FBXL13: variants seen among roughly 807,000 people sequenced by gnomAD.
The protein encoded by FBXL13 is F-box and leucine rich repeat protein 13.
A neutral mutation model predicts 83.6 loss-of-function variants in FBXL13; 67 were observed. That is an observed-to-expected ratio of 0.80 (90% CI 0.66 to 0.98). The LOEUF is 0.98. Among genes scored for constraint, FBXL13 ranks in the 50% least tolerant of loss-of-function variants. The pLI is 0.00. For synonymous variants in FBXL13, 272 were observed against 299.5 expected, an observed-to-expected ratio of 0.91 and a Z score of 0.95; for missense variants, 822 against 866.5, an observed-to-expected ratio of 0.95 and a Z score of 0.64.
chr7:103,044,585 A>G (rs1796081973), intron 2 of FBXL13, among the ~76,000 whole-genome samples: 1 of 152,250 alleles, frequency 6.6e-6, no homozygotes, highest in Admixed American at 6.5e-5. Context: ...GAGAGAATAA[A>G]TTAACAAGAT....
intron 8 of FBXL13, chr7:102,939,705 A>G (rs1821029642): frequency 4.4e-6 from 4 of 916,138 alleles, no homozygotes; most frequent in African/African-American, 1.7e-5. Flanking sequence ...ATAAAGTACA[A>G]GTTTTAATTA....
At chr7:102,817,209 T>C (rs186114549) in intron 19 of FBXL13, among the ~76,000 whole-genome samples, 1 of 152,358 alleles carries the variant, frequency 6.6e-6, no homozygotes, top group African/African-American at 2.4e-5. Context: ...GCTGACCTAA[T>C]TTACATTCCC....
intron 1 of FBXL13, among the ~76,000 whole-genome samples, chr7:103,073,981 A>G (rs1799331613): frequency 6.6e-6 from 1 of 152,224 alleles, no homozygotes; most frequent in African/African-American, 2.4e-5. Context: ...AGAAAAAAAG[A>G]GGTCAACAAA....
At chr7:103,025,430 A>G (rs2129488227) in intron 5 of FBXL13, among the ~76,000 whole-genome samples, 200 bp from the exon 7 acceptor site, 1 of 152,312 alleles carries the variant, frequency 6.6e-6, no homozygotes, top group Admixed American at 6.5e-5. Flanking sequence ...GATCATTTCC[A>G]TTAGTTGTCA....
intron 7 of FBXL13, among the ~76,000 whole-genome samples, chr7:102,964,255 G>A (rs1825716418): frequency 6.6e-6 from 1 of 151,190 alleles, no homozygotes; most frequent in South Asian, 2.1e-4. Context: ...AGGTTGCAGT[G>A]AGCTGAGATT....
chr7:103,016,159 T>G (rs185833663), intron 6 of FBXL13, among the ~76,000 whole-genome samples: 23 of 152,252 alleles, frequency 1.5e-4, no homozygotes, highest in Admixed American at 1.0e-3. Context: ...AGAAAAAAAC[T>G]ATTTTAAAAT....
chr7:102,914,948 T>C (rs1815537705), intron 10 of FBXL13, among the ~76,000 whole-genome samples: 1 of 152,104 alleles, frequency 6.6e-6, no homozygotes, highest in African/African-American at 2.4e-5. Context: ...CTAGCAATCC[T>C]TTAGCTTTAT....
chr7:103,030,784 T>A (rs1794429851), intron 2 of FBXL13, among the ~76,000 whole-genome samples: 1 of 152,194 alleles, frequency 6.6e-6, no homozygotes, highest in Non-Finnish European at 1.5e-5. Context: ...TAAAACAGCA[T>A]AAAAGCATTT....
intron 2 of FBXL13, among the ~76,000 whole-genome samples, chr7:103,052,189 T>C (rs1307994771): frequency 6.6e-6 from 1 of 152,218 alleles, no homozygotes; most frequent in Non-Finnish European, 1.5e-5. Flanking sequence ...CTGCCAGTTA[T>C]AACGGTATGG....
In FBXL13 at chr7:102,831,431, A is replaced by C. The variant is rs62484940; in HGVS notation, c.1854+1409T>G. On this transcript the variant is annotated intron_variant, in intron 18 of 19. Transcript: ENST00000313221. The stretch of plus-strand genomic sequence containing the variant: ...CACACACACACACACACACACACAC[A>C]CCCCACTACAGAGAGTTATCTTGTC... 2.4e-3 allele frequency among the ~76,000 whole-genome samples: 354 copies of C among 147,232 alleles called. 3 individuals carry two copies. The highest frequency in any genetic ancestry group is 6.1e-3 in the African/African-American group (245 of 40,120).
exon 12 of FBXL13, chr7:102,884,307 T>C: frequency 6.2e-7 from 1 of 1,612,580 alleles, no homozygotes; most frequent in Non-Finnish European, 8.5e-7. Flanking sequence ...AGCCTTGGAC[T>C]GAAATCTGAA....
chr7:103,016,229 G>A (rs539490087), intron 6 of FBXL13, among the ~76,000 whole-genome samples: 1 of 150,734 alleles, frequency 6.6e-6, no homozygotes, highest in South Asian at 2.1e-4. Flanking sequence ...AAAGAACAAT[G>A]CTGGAGACAT....
intron 6 of FBXL13, among the ~76,000 whole-genome samples, chr7:102,979,307 A>C (rs1302297521): frequency 6.6e-6 from 1 of 152,216 alleles, no homozygotes; most frequent in Non-Finnish European, 1.5e-5. Context: ...TAAAAGCTGG[A>C]GATGCTAGGG....
chr7:102,944,202 GT>G (rs1356231530), intron 8 of FBXL13: 1 of 1,590,040 alleles, frequency 6.3e-7, no homozygotes, highest in Non-Finnish European at 8.5e-7. Flanking sequence ...AATATTTTCT[GT>G]TTCCAGCCGC....
At chr7:103,034,298 C>T (rs1040962209) in intron 2 of FBXL13, among the ~76,000 whole-genome samples, 23 of 152,230 alleles carry the variant, frequency 1.5e-4, no homozygotes, top group Admixed American at 4.6e-4. Flanking sequence ...CGGGGGGCGG[C>T]GCTTGTAGGG....
chr7:102,974,371 CAGAGTG>C (rs1268047326), intron 6 of FBXL13, among the ~76,000 whole-genome samples: 1 of 152,118 alleles, frequency 6.6e-6, no homozygotes, highest in Non-Finnish European at 1.5e-5. Context: ...GCCTGGGCGA[CAGAGTG>C]AGAGTCCGTA....
At chr7:102,973,938 G>T (rs1827105943) in intron 6 of FBXL13, among the ~76,000 whole-genome samples, 3 of 152,172 alleles carry the variant, frequency 2.0e-5, no homozygotes, top group Admixed American at 2.0e-4. Context: ...TCCCGTTCCG[G>T]GAACGAAAAA....
chr7:102,843,494 G>C (rs1271435290), intron 17 of FBXL13, among the ~76,000 whole-genome samples: 1 of 152,030 alleles, frequency 6.6e-6, no homozygotes, highest in Admixed American at 6.6e-5. Flanking sequence ...TTAAAGAAAG[G>C]CTGGGTACGG....
intron 6 of FBXL13, among the ~76,000 whole-genome samples, chr7:102,977,149 T>C (rs1339841824): frequency 6.6e-6 from 1 of 152,130 alleles, no homozygotes; most frequent in African/African-American, 2.4e-5. Context: ...TCATCGAATA[T>C]TATGGTCCTG....
Sources: gnomAD v4.1 joint callset for allele counts (sites outside exome capture counted in the v4.1 genomes callset) on GRCh38, gnomAD v4.1.1 for gene constraint, MANE v1.5 for transcripts, NCBI Gene and HGNC (gene_info 2026-07-23, HGNC 2026-07-21) for gene names.